Variants in CLBA1 observed in about 807,000 individuals in gnomAD.
CLBA1 encodes uncharacterized protein CLBA1.
Under a neutral mutation model 28.8 loss-of-function variants are expected in CLBA1, and 30 were observed. The ratio of observed to expected loss-of-function variants is 1.04; its 90% CI spans 0.78 to 1.41. CLBA1 has a LOEUF of 1.41. Ranked by LOEUF, CLBA1 falls within the 40% of genes most tolerant of loss-of-function variation. The pLI is 0.00. For synonymous variants in CLBA1, 160 were observed against 152.8 expected, an observed-to-expected ratio of 1.05 and a Z score of -0.35; for missense variants, 451 against 412.3, an observed-to-expected ratio of 1.09 and a Z score of -0.81.
In CLBA1 at chr14:104,992,984, T is replaced by G. The variant is rs1900078169; in HGVS notation, c.736T>G (p.Cys246Gly). 1 of 1,614,032 alleles carries G rather than the reference T, an allele frequency of 6.2e-7. No homozygotes were observed. Among genetic ancestry groups the G allele is most frequent in the African/African-American group, 1.3e-5 (1 of 74,930 alleles). Reference sequence around the variant, plus strand: ...AGGCCAGGGCCACATCATGGAAGATTGTGACCTCAAAGAGCCTGAAGGACT... The same window carrying G: ...AGGCCAGGGCCACATCATGGAAGATGGTGACCTCAAAGAGCCTGAAGGACT... ...SGGQGHIMED[C>G]DLKEPEGLLT... Residue 246 changes from cysteine to glycine, a missense_variant, in exon 4 of 5, where the codon TGT becomes GGT. By Grantham distance (159) the Cys-to-Gly change is radical. Coordinates refer to ENST00000547315, the MANE Select transcript of CLBA1 (RefSeq NM_174891.4).
Position 104,986,753 on chromosome 14 carries a change from C to T in CLBA1, c.322C>T (p.Gln108Ter), listed in dbSNP as rs1329811730. The change falls in exon 1 of 5, where the codon CAG becomes TAG. Residue 108 changes from glutamine to a stop codon, truncating the protein, a stop_gained. Transcript: ENST00000547315. LOFTEE classifies it high-confidence loss of function. Reference sequence around the variant, plus strand: ...ACTCCTCGAGGGACCCACAGAACCCCAGCCACCGAGAACCACTTCTGCCCC... The same window carrying T: ...ACTCCTCGAGGGACCCACAGAACCCTAGCCACCGAGAACCACTTCTGCCCC... ...LELLEGPTEP[Q>*]PPRTTSAPKE... is the part of the protein sequence containing the mutation. The T allele has an allele frequency of 6.2e-7, 1 of 1,614,096 alleles. No individual in the cohort carries two copies. The highest frequency in any genetic ancestry group is 8.5e-7 in the Non-Finnish European group (1 of 1,180,034).
chr14:104,990,139 C>T (rs754727304), intron 2 of CLBA1: 2 of 178,186 alleles, frequency 1.1e-5, no homozygotes, highest in African/African-American at 2.3e-5. Flanking sequence ...GCAGCATTGA[C>T]ATCTCTGTCC....
In CLBA1 at chr14:104,994,617, G is replaced by T; in HGVS notation, c.836G>T (p.Ser279Ile). 6.2e-7 allele frequency: 1 copy of T among 1,610,352 alleles called. No individual in the cohort carries two copies. The highest frequency in any genetic ancestry group is 8.5e-7 in the Non-Finnish European group (1 of 1,179,466). Residue 279 changes from serine (S) to isoleucine (I), a missense_variant, in exon 5 of 5, where the codon AGC becomes ATC. Physicochemically the swap from Ser to Ile is moderately radical, Grantham distance 142. Transcript: ENST00000547315. ...IQTKLSGPPG[S>I]KQGRLMTCSR... ...TCTCAGCTCTCGGGGCCGCCTGGCA[G>T]CAAACAGGGGAGGCTGATGACATGC...
intron 1 of CLBA1, 142 bp downstream of exon 1, chr14:104,986,996 C>T: frequency 2.0e-6 from 2 of 1,014,436 alleles, no homozygotes; most frequent in Admixed American, 2.7e-5. Context: ...GCCTTCGTCC[C>T]TGGCCATGTG....
At chr14:104,992,045 C>T (rs996162988) in intron 3 of CLBA1, among the ~76,000 whole-genome samples, 3 of 147,022 alleles carry the variant, frequency 2.0e-5, no homozygotes, top group Non-Finnish European at 4.5e-5. Flanking sequence ...GCCACGCACA[C>T]GCCACCACGC....
At chr14:104,997,107 G>C (rs117746307), downstream of CLBA1, among the ~76,000 whole-genome samples, 1,510 of 152,316 alleles carry the variant, frequency 9.9e-3, 13 homozygotes, top group Non-Finnish European at 0.015. Context: ...GGAACTCTGG[G>C]GAGGTGGGGA....
chr14:104,986,492 A>ACCTGAGAG lies in CLBA1; in HGVS notation c.61_62insCCTGAGAG (p.Ser21ThrfsTer2). On this transcript the variant is annotated stop_gained and frameshift_variant, in exon 1 of 5. Coordinates refer to ENST00000547315, the MANE Select transcript of CLBA1 (RefSeq NM_174891.4). LOFTEE classifies it high-confidence loss of function. ...GAGTGACCTCCAGGAGGAAGCAGCC[A>ACCTGAGAG]GCGCTTCCCTCCGAGTGGCACCTGA... 1 of 1,613,594 alleles carries ACCTGAGAG rather than the reference A, an allele frequency of 6.2e-7. No individual in the cohort carries two copies. Among genetic ancestry groups the ACCTGAGAG allele is most frequent in the South Asian group, 1.1e-5 (1 of 91,082 alleles).
chr14:104,991,970 A>C (rs1384296113), intron 3 of CLBA1, among the ~76,000 whole-genome samples: 1 of 139,240 alleles, frequency 7.2e-6, no homozygotes, highest in African/African-American at 2.7e-5. Context: ...ACACGCCGCC[A>C]CACACACGCC....
At chr14:104,991,952 C>T (rs914255425) in intron 3 of CLBA1, among the ~76,000 whole-genome samples, 15 of 151,390 alleles carry the variant, frequency 9.9e-5, no homozygotes, top group African/African-American at 2.9e-4. Context: ...ACGCACACGC[C>T]GCCACGCACA....
chr14:104,985,927 A>G lies in CLBA1; in HGVS notation c.-505A>G. Reference sequence around the variant, plus strand: ...CCGTGGGCCAGGCGCTTAGCCGGCCACCTCGGGCCCTGTCCAGGCCCAGGC... The same window carrying G: ...CCGTGGGCCAGGCGCTTAGCCGGCCGCCTCGGGCCCTGTCCAGGCCCAGGC... On this transcript the variant is annotated 5_prime_UTR_variant, in exon 1 of 5. Transcript: ENST00000547315. The G allele has an allele frequency of 6.7e-6, 1 of 149,282 alleles. No homozygotes were observed. Among genetic ancestry groups the G allele is most frequent in the South Asian group, 6.3e-5 (1 of 15,996 alleles). 9.2% of individuals were successfully genotyped at this position (149,282 alleles called of 1,614,324 possible).
At chr14:104,993,100 C>T (rs367841290) in intron 4 of CLBA1, 36 bp downstream of exon 4, 27 of 1,593,710 alleles carry the variant, frequency 1.7e-5, no homozygotes, top group South Asian at 1.0e-4. Flanking sequence ...CAGGGAACCG[C>T]GCTGGCGGTG....
At chr14:104,997,979 A>G (rs191268023), downstream of CLBA1, among the ~76,000 whole-genome samples, 11 of 152,320 alleles carry the variant, frequency 7.2e-5, no homozygotes, top group South Asian at 1.9e-3. Context: ...ATTGCACTCC[A>G]GTCTGGGCAA....
At chr14:104,991,689 G>C (rs1244701358) in intron 3 of CLBA1, 69 bp downstream of exon 3, 11 of 1,527,670 alleles carry the variant, frequency 7.2e-6, no homozygotes, top group African/African-American at 1.4e-5. Context: ...AGTGGCCCTT[G>C]GCCGCGCCCA....
intron 2 of CLBA1, chr14:104,990,717 T>C (rs1899996092): frequency 1.3e-5 from 2 of 152,442 alleles, no homozygotes; most frequent in Non-Finnish European, 2.9e-5. Context: ...GTTGGTTTGC[T>C]CATTTGTTCT....
In CLBA1 at chr14:104,985,805, A is replaced by G. The variant is rs1167866376; in HGVS notation, c.-627A>G. ...CCGTTGCCAGGCAACGGGGCGGCGCAGGCAGGAGGGAACGGCTGGTTGCAG... is the reference window on the plus strand; with the variant it reads ...CCGTTGCCAGGCAACGGGGCGGCGCGGGCAGGAGGGAACGGCTGGTTGCAG... On this transcript the variant is annotated 5_prime_UTR_variant, in exon 1 of 5. Coordinates refer to ENST00000547315, the MANE Select transcript of CLBA1 (RefSeq NM_174891.4). 1.0e-5 allele frequency: 3 copies of G among 293,768 alleles called. No homozygotes were observed. The highest frequency in any genetic ancestry group is 2.1e-5 in the Non-Finnish European group (3 of 141,902). 18.2% of individuals were successfully genotyped at this position (293,768 alleles called of 1,614,324 possible).
At chr14:104,988,694 A>G (rs561901148) in intron 1 of CLBA1, among the ~76,000 whole-genome samples, 9 of 152,336 alleles carry the variant, frequency 5.9e-5, no homozygotes, top group Admixed American at 2.0e-4. Context: ...TTGGGTGGTC[A>G]TCTTTTTTCA....
chr14:104,992,823 C>T (rs1900071482), intron 3 of CLBA1, 125 bp from the exon 4 acceptor site: 1 of 837,284 alleles, frequency 1.2e-6, no homozygotes, highest in Non-Finnish European at 2.1e-6. Context: ...GGTGCGCTGA[C>T]CTTGAGAGGG....
Position 104,992,986 on chromosome 14 carries a change from T to C in CLBA1, c.738T>C (p.Cys246=), listed in dbSNP as rs1900078281. Residue 246 remains cysteine, a synonymous_variant, in exon 4 of 5, where the codon TGT becomes TGC. Coordinates refer to ENST00000547315, the MANE Select transcript of CLBA1 (RefSeq NM_174891.4). Reference sequence around the variant, plus strand: ...GCCAGGGCCACATCATGGAAGATTGTGACCTCAAAGAGCCTGAAGGACTCC... The same window carrying C: ...GCCAGGGCCACATCATGGAAGATTGCGACCTCAAAGAGCCTGAAGGACTCC... The part of the protein sequence containing the change: ...SGGQGHIMED[C]DLKEPEGLLT... 1 of 1,614,080 alleles carries C rather than the reference T, an allele frequency of 6.2e-7. No individual in the cohort carries two copies. The highest frequency in any genetic ancestry group is 1.1e-5 in the South Asian group (1 of 91,090).
chr14:104,994,899 G>C lies in CLBA1; in HGVS notation c.*140G>C. 1 of 1,423,850 alleles carries C rather than the reference G, an allele frequency of 7.0e-7. No homozygotes were observed. The highest frequency in any genetic ancestry group is 9.1e-7 in the Non-Finnish European group (1 of 1,093,558). The allele number at this position is 1,423,850 out of a possible 1,614,324, so 88.2% of individuals were successfully genotyped here. On this transcript the variant is annotated 3_prime_UTR_variant, in exon 5 of 5. Transcript: ENST00000547315. ...GGATCTCTCCAACAGGACCTGTCCT[G>C]TGTTCTGGGCTTGTCTCGGGTCTGA...
Sources: allele counts gnomAD v4.1 joint callset (sites outside exome capture counted in the v4.1 genomes callset), GRCh38; gene constraint gnomAD v4.1.1; transcripts MANE v1.5; gene names NCBI Gene and HGNC (gene_info 2026-07-23, HGNC 2026-07-21).